GDPD5: variants seen among roughly 807,000 people sequenced by gnomAD.
GDPD5 encodes glycerophosphodiester phosphodiesterase domain containing 5.
A neutral mutation model predicts 75.1 loss-of-function variants in GDPD5; 48 were observed. That is an observed-to-expected ratio of 0.64 (90% CI 0.51 to 0.81). GDPD5 has a LOEUF of 0.81. GDPD5 is among the 40% of genes least tolerant of loss of function. The pLI, the probability that GDPD5 is intolerant of heterozygous loss-of-function variation, is 0.00. For missense variants in GDPD5, 706 were observed against 822.6 expected, an observed-to-expected ratio of 0.86 and a Z score of 1.73; for synonymous variants, 336 against 339.0, an observed-to-expected ratio of 0.99 and a Z score of 0.10.
intron 3 of GDPD5, among the ~76,000 whole-genome samples, chr11:75,466,513 G>C (rs906402470): frequency 6.6e-6 from 1 of 152,156 alleles, no homozygotes; most frequent in Admixed American, 6.5e-5. Context: ...AGCCAATCTG[G>C]CCCTGCTCCC....
At chr11:75,443,013 T>G in intron 11 of GDPD5, 123 bp downstream of exon 11, 1 of 1,130,164 alleles carries the variant, frequency 8.8e-7, no homozygotes, top group South Asian at 1.3e-5. Context: ...GCAGCTTGGG[T>G]GGAGGTCGCG....
At chr11:75,514,338 C>T (rs373669149) in intron 1 of GDPD5, among the ~76,000 whole-genome samples, 1 of 152,354 alleles carries the variant, frequency 6.6e-6, no homozygotes, top group African/African-American at 2.4e-5. Flanking sequence ...CTACATATGT[C>T]TTCACTGGAG....
At chr11:75,501,194 C>G (rs1430652483) in intron 1 of GDPD5, among the ~76,000 whole-genome samples, 1 of 152,244 alleles carries the variant, frequency 6.6e-6, no homozygotes, top group Non-Finnish European at 1.5e-5. Flanking sequence ...CCTCAGACCA[C>G]AGGCCCCCAG....
At chr11:75,448,704 C>T (rs928618835) in intron 9 of GDPD5, 8 of 1,156,392 alleles carry the variant, frequency 6.9e-6, no homozygotes, top group Non-Finnish European at 8.5e-6. Flanking sequence ...GCCTTCCTAA[C>T]TGGCACCTGG....
At chr11:75,465,924 G>A (rs1267607067) in intron 3 of GDPD5, among the ~76,000 whole-genome samples, 1 of 152,264 alleles carries the variant, frequency 6.6e-6, no homozygotes, top group African/African-American at 2.4e-5. Flanking sequence ...GGGCCCAGGG[G>A]CAAGGCTGAC....
At chr11:75,495,750 T>C (rs533267359) in intron 1 of GDPD5, among the ~76,000 whole-genome samples, 2 of 152,338 alleles carry the variant, frequency 1.3e-5, no homozygotes, top group East Asian at 1.9e-4. Flanking sequence ...CTGACAAAGA[T>C]ACATGGATCT....
At chr11:75,444,143 C>T (rs933822784) in intron 10 of GDPD5, among the ~76,000 whole-genome samples, 5 of 152,162 alleles carry the variant, frequency 3.3e-5, no homozygotes, top group African/African-American at 1.2e-4. Context: ...CTTTATTTCC[C>T]TCATGAGAGT....
chr11:75,479,711 T>G (rs1949862484), intron 2 of GDPD5, among the ~76,000 whole-genome samples: 1 of 151,254 alleles, frequency 6.6e-6, no homozygotes, highest in Admixed American at 6.6e-5. Flanking sequence ...CTATTTACCC[T>G]GGCTTCACTC....
At chr11:75,462,996 C>A in intron 3 of GDPD5, 107 bp from the exon 4 acceptor site, 3 of 864,802 alleles carry the variant, frequency 3.5e-6, no homozygotes, top group Non-Finnish European at 5.6e-6. Context: ...CCAAACCTGC[C>A]AGGCAGGAAT....
intron 1 of GDPD5, among the ~76,000 whole-genome samples, chr11:75,504,367 T>C (rs1457466357): frequency 6.6e-6 from 1 of 152,154 alleles, no homozygotes; most frequent in Non-Finnish European, 1.5e-5. Context: ...CCCAGGCCCA[T>C]CCAACTTCAA....
chr11:75,501,228 G>A (rs779311923), intron 1 of GDPD5, among the ~76,000 whole-genome samples: 17 of 152,184 alleles, frequency 1.1e-4, no homozygotes, highest in Non-Finnish European at 1.6e-4. Context: ...ACCCTGGCTC[G>A]GCCCCTCCTC....
At chr11:75,512,325 C>T (rs962978687) in intron 1 of GDPD5, among the ~76,000 whole-genome samples, 2 of 149,058 alleles carry the variant, frequency 1.3e-5, no homozygotes, top group African/African-American at 4.9e-5. Flanking sequence ...CACACACACA[C>T]GAGGGGAGAG....
intron 3 of GDPD5, among the ~76,000 whole-genome samples, chr11:75,472,755 C>T (rs367790252): frequency 1.2e-3 from 189 of 152,164 alleles, no homozygotes; most frequent in African/African-American, 4.1e-3. Flanking sequence ...AAATCTTGTC[C>T]GAGGACCTCC....
In GDPD5 at chr11:75,442,440, G is replaced by A. The variant is rs956223976; in HGVS notation, c.1090C>T (p.Arg364Trp). The A allele has an allele frequency of 1.9e-6, 3 of 1,611,836 alleles. No individual in the cohort carries two copies. The highest frequency in any genetic ancestry group is 1.3e-5 in the African/African-American group (1 of 74,990). Reference protein sequence around the residue: ...TLLLNLRDPPREHPYRSSFIN... With the variant: ...TLLLNLRDPPWEHPYRSSFIN... ...AAACTGCTGCGGTAGGGGTGCTCCC[G>A]GGGCGGGTCACGCAGGTTGAGCAGC... is the stretch of plus-strand genomic sequence containing the variant. The change falls in exon 12 of 17, where the codon CGG (arginine) becomes TGG (tryptophan). Residue 364 changes from arginine (R) to tryptophan (W), a missense_variant. Arg to Trp is a moderately radical substitution (Grantham distance 101, BLOSUM62 -3). Coordinates refer to ENST00000336898, the MANE Select transcript of GDPD5 (RefSeq NM_030792.8).
In GDPD5 at chr11:75,441,153, C is replaced by A; in HGVS notation, c.1473+10G>T. 6.2e-7 allele frequency: 1 copy of A among 1,613,216 alleles called. No individual in the cohort carries two copies. The highest frequency in any genetic ancestry group is 8.5e-7 in the Non-Finnish European group (1 of 1,179,638). ...ACTGCCCCCCAGGGGCCCTCTGCCC[C>A]CCAACTCACCATGATCCAGAGGGGG... On this transcript the variant is annotated intron_variant, in intron 14 of 16. Coordinates refer to ENST00000336898, the MANE Select transcript of GDPD5 (RefSeq NM_030792.8).
chr11:75,479,930 C>T (rs1016683912), intron 2 of GDPD5, among the ~76,000 whole-genome samples: 1 of 152,174 alleles, frequency 6.6e-6, no homozygotes, highest in Admixed American at 6.5e-5. Context: ...GGATCTACCA[C>T]ATTTTGTTTA....
At chr11:75,467,938 C>T (rs960610976) in intron 3 of GDPD5, among the ~76,000 whole-genome samples, 1 of 152,166 alleles carries the variant, frequency 6.6e-6, no homozygotes. Context: ...CTGTCCTGTT[C>T]CTCCCACCCC....
intron 3 of GDPD5, among the ~76,000 whole-genome samples, chr11:75,473,091 T>G (rs550141053): frequency 6.6e-6 from 1 of 151,790 alleles, no homozygotes; most frequent in South Asian, 2.1e-4. Flanking sequence ...GCGGAGAAGC[T>G]CAGGGTGGCT....
intron 6 of GDPD5, chr11:75,450,351 T>G (rs1294222915): frequency 3.3e-6 from 1 of 303,858 alleles, no homozygotes; most frequent in East Asian, 8.0e-5. Context: ...CCGCCCAGCC[T>G]CCCTGCCACC....
Sources: allele counts gnomAD v4.1 joint callset (sites outside exome capture counted in the v4.1 genomes callset), GRCh38; gene constraint gnomAD v4.1.1; transcripts MANE v1.5; gene names NCBI Gene and HGNC (gene_info 2026-07-23, HGNC 2026-07-21).